Variants in RIN2 observed in about 807,000 individuals in gnomAD.
The protein encoded by RIN2 is RAB5 interacting protein 2.
In RIN2, 36 loss-of-function variants were observed where a neutral mutation model predicts 78.0. That is an observed-to-expected ratio of 0.46 (90% CI 0.35 to 0.61). The LOEUF (loss-of-function observed/expected upper bound fraction) is 0.61, where lower values mean the gene tolerates loss of function less well. Ranked by LOEUF, RIN2 falls within the 20% of genes least tolerant of loss-of-function variation. RIN2 has a pLI of 0.00. For synonymous variants in RIN2, 466 were observed against 466.8 expected, an observed-to-expected ratio of 1.00 and a Z score of 0.02; for missense variants, 1,087 against 1,159.7, an observed-to-expected ratio of 0.94 and a Z score of 0.91.
chr20:19,977,548 C>T lies in RIN2; in HGVS notation c.1762+1761C>T, dbSNP rs552515424. 2.4e-4 allele frequency among the ~76,000 whole-genome samples: 37 copies of T among 152,300 alleles called. No homozygotes were observed. In the East Asian group the frequency reaches 7.0e-3, roughly 29 times the overall value. ...TCACCTCACCCCTGTGAACAGGCAT[C>T]GTCATCCCTTAAGGATTGGAGGAAG... is the stretch of plus-strand genomic sequence containing the variant. On this transcript the variant is annotated intron_variant, in intron 9 of 12. Transcript: ENST00000255006.
intron 2 of RIN2, among the ~76,000 whole-genome samples, chr20:19,833,180 TAACA>T (rs1410313779): frequency 1.3e-5 from 2 of 152,084 alleles, no homozygotes; most frequent in Admixed American, 1.3e-4. Context: ...GATCTGTGAG[TAACA>T]AACCGTCTTT....
chr20:19,932,408 G>A (rs937210763), intron 3 of RIN2, among the ~76,000 whole-genome samples: 2 of 152,190 alleles, frequency 1.3e-5, no homozygotes, highest in African/African-American at 4.8e-5. Context: ...AGGAAACAGA[G>A]AAAGACAAGG....
intron 2 of RIN2, among the ~76,000 whole-genome samples, chr20:19,864,686 A>C (rs2037445932): frequency 6.6e-6 from 1 of 152,244 alleles, no homozygotes; most frequent in South Asian, 2.1e-4. Flanking sequence ...AGTTCAAAGC[A>C]GGATGGGTAC....
chr20:19,859,173 A>C (rs922872251), intron 2 of RIN2, among the ~76,000 whole-genome samples: 1 of 152,230 alleles, frequency 6.6e-6, no homozygotes, highest in African/African-American at 2.4e-5. Context: ...ACTAATTGGC[A>C]GGAACAAGAT....
At chr20:19,801,144 C>T (rs1033375833) in intron 2 of RIN2, among the ~76,000 whole-genome samples, 1 of 152,192 alleles carries the variant, frequency 6.6e-6, no homozygotes, top group Non-Finnish European at 1.5e-5. Flanking sequence ...GGTTGGGTGC[C>T]TCCCTTTCTG....
At chr20:19,941,057 G>A (rs1400857569) in intron 4 of RIN2, among the ~76,000 whole-genome samples, 1 of 152,172 alleles carries the variant, frequency 6.6e-6, no homozygotes, top group African/African-American at 2.4e-5. Flanking sequence ...GTGGATTGCT[G>A]TGAGATGCCT....
In RIN2 at chr20:19,865,844, T is replaced by C. The variant is rs533010891; in HGVS notation, c.-36-23722T>C. 3.3e-5 allele frequency among the ~76,000 whole-genome samples: 5 copies of C among 152,176 alleles called. No homozygotes were observed. In the South Asian group the frequency reaches 1.0e-3, roughly 32 times the overall value. On this transcript the variant is annotated intron_variant, in intron 2 of 12. Transcript: ENST00000255006. ...AAAAATATACACATACATACATATG[T>C]AGCAAATGTATAAAGGTGCATTTGC...
intron 9 of RIN2, among the ~76,000 whole-genome samples, chr20:19,977,479 C>T (rs917657129): frequency 2.0e-5 from 3 of 152,150 alleles, no homozygotes; most frequent in East Asian, 1.9e-4. Context: ...TATGGAGCTT[C>T]GAGTATAAGC....
intron 4 of RIN2, among the ~76,000 whole-genome samples, chr20:19,936,990 C>A (rs943407856): frequency 6.6e-6 from 1 of 152,188 alleles, no homozygotes. Flanking sequence ...TCGCTTATAG[C>A]GACTAACTTA....
At chr20:19,790,517 C>G (rs1016143478) in intron 1 of RIN2, among the ~76,000 whole-genome samples, 1 of 152,134 alleles carries the variant, frequency 6.6e-6, no homozygotes, top group African/African-American at 2.4e-5. Flanking sequence ...ATAAGCTGGG[C>G]TCTGTGGCTT....
At chr20:19,909,585 A>G (rs1279105409) in intron 3 of RIN2, among the ~76,000 whole-genome samples, 1 of 152,102 alleles carries the variant, frequency 6.6e-6, no homozygotes, top group African/African-American at 2.4e-5. Context: ...GCATGGGATG[A>G]TTTGGGTTGG....
intron 2 of RIN2, among the ~76,000 whole-genome samples, chr20:19,888,772 G>A (rs185881394): frequency 6.6e-6 from 1 of 152,362 alleles, no homozygotes; most frequent in Non-Finnish European, 1.5e-5. Context: ...CCTGAGCCAG[G>A]TCAGCTGGCA....
chr20:19,884,226 G>A (rs907680405), intron 2 of RIN2, among the ~76,000 whole-genome samples: 2 of 151,912 alleles, frequency 1.3e-5, no homozygotes, highest in Non-Finnish European at 2.9e-5. Flanking sequence ...AGACCAGCCT[G>A]GGCAACATAG....
At chr20:19,889,421 A>G in intron 2 of RIN2, 145 bp from the exon 3 acceptor site, 2 of 1,113,852 alleles carry the variant, frequency 1.8e-6, no homozygotes, top group South Asian at 4.2e-5. Context: ...GGCTGAAGGG[A>G]GATGTAAGGC....
intron 2 of RIN2, among the ~76,000 whole-genome samples, chr20:19,847,347 C>T (rs570575897): frequency 2.0e-5 from 3 of 152,296 alleles, no homozygotes; most frequent in African/African-American, 7.2e-5. Flanking sequence ...TACTCTTCAT[C>T]CCTGAGATAT....
intron 1 of RIN2, among the ~76,000 whole-genome samples, chr20:19,760,579 G>C (rs117652840): frequency 0.01 from 1,558 of 152,214 alleles, 14 homozygotes; most frequent in Middle Eastern, 0.024. Context: ...TTTCCAGAAA[G>C]AACCTCCTTG....
intron 1 of RIN2, among the ~76,000 whole-genome samples, chr20:19,783,242 A>G (rs1204957331): frequency 6.6e-6 from 1 of 152,206 alleles, no homozygotes; most frequent in African/African-American, 2.4e-5. Flanking sequence ...GTTTTCTCAA[A>G]CTAAATTCCT....
At position 19,937,399 on chromosome 20, in the gene RIN2, G is replaced by A. The variant is rs57703045; in HGVS notation, c.158+2200G>A. ...GTCTGACGGCTGCAGGAAATGCACC[G>A]CCGTCAGCTTCCTCTGCAGCTTCGT... On this transcript the variant is annotated intron_variant, in intron 4 of 12. Coordinates refer to ENST00000255006, the MANE Select transcript of RIN2 (RefSeq NM_018993.4). 4.9e-3 allele frequency among the ~76,000 whole-genome samples: 750 copies of A among 152,288 alleles called. 7 individuals are homozygous for A. The highest frequency in any genetic ancestry group is 0.017 in the African/African-American group (703 of 41,556).
chr20:19,858,599 G>A (rs917715055), intron 2 of RIN2, among the ~76,000 whole-genome samples: 1 of 152,188 alleles, frequency 6.6e-6, no homozygotes, highest in African/African-American at 2.4e-5. Context: ...TCGTGCTAAT[G>A]TCTAGAGACC....
Sources: gnomAD v4.1 joint callset for allele counts (sites outside exome capture counted in the v4.1 genomes callset) on GRCh38, gnomAD v4.1.1 for gene constraint, MANE v1.5 for transcripts, NCBI Gene and HGNC (gene_info 2026-07-23, HGNC 2026-07-21) for gene names.